The following ASXL3 variants were observed in gnomAD, a reference collection of about 807,000 sequenced individuals.
ASXL3 encodes the protein putative Polycomb group protein ASXL3.
ASXL3 carries 34 observed loss-of-function variants against 170.6 expected under a neutral mutation model. The observed-to-expected ratio is 0.20, with a 90% CI of 0.15 to 0.27. ASXL3 has a LOEUF of 0.27. Ranked by LOEUF, ASXL3 falls within the 10% of genes least tolerant of loss-of-function variation. ASXL3 has a pLI of 1.00. For synonymous variants in ASXL3, 1,002 were observed against 989.1 expected, an observed-to-expected ratio of 1.01 and a Z score of -0.24; for missense variants, 2,592 against 2,695.3, an observed-to-expected ratio of 0.96 and a Z score of 0.85.
At chr18:33,713,253 T>TTTTTG (rs2067105105) in intron 8 of ASXL3, among the ~76,000 whole-genome samples, 1 of 83,798 alleles carries the variant, frequency 1.2e-5, no homozygotes, top group African/African-American at 5.2e-5. Flanking sequence ...GTTTTGTTTT[T>TTTTTG]TTTTTTTTTT....
intron 10 of ASXL3, among the ~76,000 whole-genome samples, chr18:33,735,395 A>T (rs1020876697): frequency 1.4e-4 from 22 of 152,180 alleles, no homozygotes; most frequent in African/African-American, 4.3e-4. Flanking sequence ...CCTTTTGAGT[A>T]GGAAGGCCTG....
At position 33,751,109 on chromosome 18, in the gene ASXL3, G is replaced by A. The variant is rs2067879134; in HGVS notation, c.*4514G>A. 6.6e-6 allele frequency: 1 copy of A among 152,044 alleles called. No individual in the cohort carries two copies. The highest frequency in any genetic ancestry group is 2.1e-4 in the South Asian group (1 of 4,824). The allele number at this position is 152,044 out of a possible 1,614,324, so 9.4% of individuals were successfully genotyped here. A position where few individuals can be genotyped will look rare whatever the true frequency, so the allele number is the denominator to read the frequency against. On this transcript the variant is annotated 3_prime_UTR_variant, in exon 12 of 12. Transcript: ENST00000269197. ...TGAAATGAAATGTTTGTCTCTTCATGTTTCTCTGTCTTTCCCTTTCTCAAA... is the reference window on the plus strand; with the variant it reads ...TGAAATGAAATGTTTGTCTCTTCATATTTCTCTGTCTTTCCCTTTCTCAAA...
chr18:33,608,973 C>CT (rs78749782), intron 2 of ASXL3: 9,179 of 765,700 alleles, frequency 0.012, no homozygotes, highest in Non-Finnish European at 0.013. Context: ...ATTTTGGAGA[C>CT]TTTTTTTTTT....
chr18:33,643,611 T>C (rs953572424), intron 2 of ASXL3, among the ~76,000 whole-genome samples: 2 of 151,964 alleles, frequency 1.3e-5, no homozygotes, highest in African/African-American at 4.8e-5. Context: ...ATGATGTATA[T>C]ATATGCTGCC....
intron 11 of ASXL3, 36 bp from the exon 12 acceptor site, chr18:33,742,851 GA>G: frequency 6.5e-7 from 1 of 1,550,286 alleles, no homozygotes; most frequent in Non-Finnish European, 8.7e-7. Context: ...GATCATGTAT[GA>G]AGCACATTAT....
intron 8 of ASXL3, among the ~76,000 whole-genome samples, chr18:33,727,082 G>A (rs889389013): frequency 2.6e-5 from 4 of 151,854 alleles, no homozygotes; most frequent in South Asian, 2.1e-4. Flanking sequence ...CATCTTCCCC[G>A]CACATACTCA....
At position 33,656,713 on chromosome 18, in the gene ASXL3, A is replaced by G. The variant is rs906692168; in HGVS notation, c.356-4903A>G. 3.9e-5 allele frequency among the ~76,000 whole-genome samples: 6 copies of G among 152,104 alleles called. No individual in the cohort carries two copies. The East Asian group carries it at 1.2e-3, about 29-fold the overall frequency. On this transcript the variant is annotated intron_variant, in intron 4 of 11. Transcript: ENST00000269197. Reference sequence around the variant, plus strand: ...TTAGTGGCAGGTCGTGCAACTTCCTACTGTCTTGCAAAGGAAATTCTGTCA... The same window carrying G: ...TTAGTGGCAGGTCGTGCAACTTCCTGCTGTCTTGCAAAGGAAATTCTGTCA...
chr18:33,678,077 A>ATTATTTATTTATTTATTTAT (rs140094203), intron 7 of ASXL3, among the ~76,000 whole-genome samples: 1 of 149,196 alleles, frequency 6.7e-6, no homozygotes, highest in Non-Finnish European at 1.5e-5. Context: ...TTATGTATTT[A>ATTATTTATTTATTTATTTAT]TTATTTATTT....
At chr18:33,645,054 A>C in intron 3 of ASXL3, 52 bp downstream of exon 3, 2 of 1,284,386 alleles carry the variant, frequency 1.6e-6, no homozygotes, top group Non-Finnish European at 2.2e-6. Context: ...GCATTTTTTC[A>C]GACATGTGAA....
At chr18:33,585,130 C>G (rs2145091137) in intron 1 of ASXL3, among the ~76,000 whole-genome samples, 1 of 152,014 alleles carries the variant, frequency 6.6e-6, no homozygotes, top group South Asian at 2.1e-4. Context: ...TCCCTCTTTT[C>G]CTTCTGACAT....
At chr18:33,632,767 G>A (rs1021102618) in intron 2 of ASXL3, among the ~76,000 whole-genome samples, 2 of 152,098 alleles carry the variant, frequency 1.3e-5, no homozygotes, top group Admixed American at 6.5e-5. Context: ...GGCCAGTCCC[G>A]CAGGCTTCTA....
rs369163777 is a variant in ASXL3 at position 33,725,731 on chromosome 18, T to TA, written c.880-6236dup. 9.4e-3 allele frequency among the ~76,000 whole-genome samples: 1,439 copies of TA among 152,276 alleles called. 19 individuals carry two copies. The highest frequency in any genetic ancestry group is 0.01 in the Non-Finnish European group (684 of 68,010). ...AAAGCCTTCATTTCTTGTTTCTAAA[T>TA]ACTGTTTCCCTCTTGTGCCTTTTCC... On this transcript the variant is annotated intron_variant, in intron 8 of 11. Transcript: ENST00000269197.
chr18:33,640,011 G>T (rs1436753036), intron 2 of ASXL3, among the ~76,000 whole-genome samples: 1 of 152,004 alleles, frequency 6.6e-6, no homozygotes, highest in African/African-American at 2.4e-5. Context: ...TCCTCACATA[G>T]AAAATCACAA....
intron 4 of ASXL3, among the ~76,000 whole-genome samples, chr18:33,652,548 G>A (rs2066015820): frequency 7.1e-6 from 1 of 140,084 alleles, no homozygotes; most frequent in Non-Finnish European, 1.5e-5. Context: ...ATGGCTTTCA[G>A]GGAGGAAGCA....
chr18:33,676,567 CT>C (rs1387774959), intron 7 of ASXL3, among the ~76,000 whole-genome samples: 2 of 152,176 alleles, frequency 1.3e-5, no homozygotes, highest in African/African-American at 2.4e-5. Context: ...ATAGAAAACA[CT>C]GTTCTGATAT....
chr18:33,588,605 G>A (rs993306387), intron 1 of ASXL3, among the ~76,000 whole-genome samples: 5 of 151,990 alleles, frequency 3.3e-5, no homozygotes, highest in Admixed American at 1.3e-4. Context: ...GAATAGTCTC[G>A]TAATTTGCTG....
At chr18:33,685,974 A>C (rs1314877004) in intron 8 of ASXL3, among the ~76,000 whole-genome samples, 1 of 152,272 alleles carries the variant, frequency 6.6e-6, no homozygotes, top group Non-Finnish European at 1.5e-5. Flanking sequence ...CCCCCAAAAC[A>C]TATCAACAAT....
chr18:33,615,332 T>G (rs2065405663), intron 2 of ASXL3, among the ~76,000 whole-genome samples: 1 of 152,146 alleles, frequency 6.6e-6, no homozygotes, highest in Non-Finnish European at 1.5e-5. Flanking sequence ...TGCGGCTTCC[T>G]TACCTCTCCT....
intron 2 of ASXL3, among the ~76,000 whole-genome samples, chr18:33,639,853 G>A (rs901466504): frequency 6.6e-6 from 1 of 152,078 alleles, no homozygotes; most frequent in Non-Finnish European, 1.5e-5. Flanking sequence ...TCTGGAGTTC[G>A]AAGTTCTTTC....
Sources: gnomAD v4.1 joint callset for allele counts (sites outside exome capture counted in the v4.1 genomes callset) on GRCh38, gnomAD v4.1.1 for gene constraint, MANE v1.5 for transcripts, NCBI Gene and HGNC (gene_info 2026-07-23, HGNC 2026-07-21) for gene names.